The following LY96 variants were observed in gnomAD, a reference collection of about 807,000 sequenced individuals.
The protein encoded by LY96 is lymphocyte antigen 96.
LY96 carries 18 observed loss-of-function variants against 18.9 expected under a neutral mutation model. The observed-to-expected ratio is 0.95, with a 90% CI of 0.66 to 1.41. The LOEUF is 1.41. Among genes scored for constraint, LY96 ranks in the 40% most tolerant of loss-of-function variants. LY96 has a pLI of 0.00. For synonymous variants in LY96, 66 were observed against 62.6 expected, an observed-to-expected ratio of 1.06 and a Z score of -0.26; for missense variants, 175 against 182.4, an observed-to-expected ratio of 0.96 and a Z score of 0.23.
the LY96 span, among the ~76,000 whole-genome samples, chr8:74,049,380 C>A: frequency 7.2e-4 from 109 of 152,282 alleles, no homozygotes; most frequent in Non-Finnish European, 5.0e-4. Context: ...CAAACATAGT[C>A]ATCTCATTGT....
the LY96 span, among the ~76,000 whole-genome samples, chr8:74,060,651 G>C: frequency 6.6e-6 from 1 of 152,220 alleles, no homozygotes; most frequent in African/African-American, 2.4e-5. Context: ...TACTGCACAG[G>C]CATAGCCCTC....
chr8:74,085,565 T>C, the LY96 span, among the ~76,000 whole-genome samples: 7 of 152,204 alleles, frequency 4.6e-5, no homozygotes, highest in Non-Finnish European at 5.9e-5. Context: ...TAGTGATGCC[T>C]TTGCCGCAGC....
the LY96 span, among the ~76,000 whole-genome samples, chr8:74,090,970 T>C: frequency 6.6e-6 from 1 of 152,236 alleles, no homozygotes; most frequent in Non-Finnish European, 1.5e-5. Context: ...TTTATTTCAT[T>C]CTCCATGTGA....
At chr8:74,028,246 G>A (rs768131053) in intron 4 of LY96, among the ~76,000 whole-genome samples, 23 of 152,118 alleles carry the variant, frequency 1.5e-4, no homozygotes, top group Non-Finnish European at 2.6e-4. Flanking sequence ...CTTAGTATTA[G>A]GTCTTTTGGT....
chr8:74,086,999 T>G, the LY96 span, among the ~76,000 whole-genome samples: 1 of 152,326 alleles, frequency 6.6e-6, no homozygotes, highest in Admixed American at 6.5e-5. Flanking sequence ...ATGGACTAAG[T>G]CAGGGCATCT....
chr8:73,998,179 A>G (rs1371714406), intron 1 of LY96, among the ~76,000 whole-genome samples: 1 of 152,156 alleles, frequency 6.6e-6, no homozygotes. Context: ...AAGGAACTAG[A>G]AGCTCTGGGC....
At chr8:73,993,203 A>T in intron 1 of LY96, among the ~76,000 whole-genome samples, 1 of 151,888 alleles carries the variant, frequency 6.6e-6, no homozygotes, top group Non-Finnish European at 1.5e-5. Context: ...AACATTTTGT[A>T]TTATTATTTA....
chr8:74,067,198 C>T, the LY96 span, among the ~76,000 whole-genome samples: 1 of 152,082 alleles, frequency 6.6e-6, no homozygotes, highest in Non-Finnish European at 1.5e-5. Context: ...TCTTAACTTC[C>T]CGGCTTTATT....
the LY96 span, among the ~76,000 whole-genome samples, chr8:74,068,951 T>C: frequency 6.6e-6 from 1 of 152,080 alleles, no homozygotes; most frequent in African/African-American, 2.4e-5. Flanking sequence ...CACACCACCA[T>C]GCCTGGCTAA....
chr8:74,072,250 C>G, the LY96 span, among the ~76,000 whole-genome samples: 30 of 152,212 alleles, frequency 2.0e-4, no homozygotes, highest in South Asian at 6.0e-3. Context: ...TAAATGTCCA[C>G]AAATTTTAAA....
chr8:74,010,657 G>T (rs191331104), intron 3 of LY96, among the ~76,000 whole-genome samples: 1 of 151,888 alleles, frequency 6.6e-6, no homozygotes, highest in East Asian at 1.9e-4. Context: ...ATAGTTTTAA[G>T]AATTAAATTT....
downstream of LY96, among the ~76,000 whole-genome samples, chr8:74,032,745 T>C (rs562829338): frequency 6.6e-6 from 1 of 152,356 alleles, no homozygotes; most frequent in South Asian, 2.1e-4. Context: ...GAATCCTTAA[T>C]TTTAAATGCT....
chr8:74,081,050 T>TTTCTTTCTTTCTTTCTTTC, the LY96 span, among the ~76,000 whole-genome samples: 1 of 109,980 alleles, frequency 9.1e-6, no homozygotes, highest in Non-Finnish European at 1.8e-5. Context: ...TTCTTTCTTT[T>TTTCTTTCTTTCTTTCTTTC]TCTTTCTTTC....
the LY96 span, among the ~76,000 whole-genome samples, chr8:74,044,457 G>A: frequency 1.3e-5 from 2 of 152,116 alleles, no homozygotes; most frequent in Non-Finnish European, 2.9e-5. Flanking sequence ...TCTTAAAGCT[G>A]GGATTATAGC....
chr8:74,052,838 GT>G, the LY96 span, among the ~76,000 whole-genome samples: 201 of 152,290 alleles, frequency 1.3e-3, 3 homozygotes, highest in East Asian at 0.037. Flanking sequence ...GTAAGGAGGG[GT>G]ATGATTGTGG....
chr8:74,044,626 T>C, the LY96 span, among the ~76,000 whole-genome samples: 2 of 151,818 alleles, frequency 1.3e-5, no homozygotes, highest in Non-Finnish European at 2.9e-5. Context: ...GCAAAGCAAA[T>C]GGAGACGGTG....
At chr8:74,006,942 T>C (rs577506483) in intron 2 of LY96, among the ~76,000 whole-genome samples, 123 of 152,316 alleles carry the variant, frequency 8.1e-4, no homozygotes, top group African/African-American at 2.8e-3. Flanking sequence ...GAGGAAACGC[T>C]TGTGAACAGT....
chr8:74,007,437 A>G (rs536467965), intron 2 of LY96, among the ~76,000 whole-genome samples: 10 of 152,344 alleles, frequency 6.6e-5, no homozygotes, highest in Admixed American at 2.0e-4. Context: ...TTTATAGCGC[A>G]ATTATGTTTC....
chr8:73,996,317 TTTCCTTCC>T (rs58734426), intron 1 of LY96, among the ~76,000 whole-genome samples: 11,896 of 116,288 alleles, frequency 0.1, 798 homozygotes, highest in Non-Finnish European at 0.12. Context: ...ACCTGTTTCT[TTTCCTTCC>T]TTCCTTCCTT....
Sources: gnomAD v4.1 joint callset for allele counts (sites outside exome capture counted in the v4.1 genomes callset) on GRCh38, gnomAD v4.1.1 for gene constraint, MANE v1.5 for transcripts, NCBI Gene and HGNC (gene_info 2026-07-23, HGNC 2026-07-21) for gene names.